Variants in COL27A1 observed in about 807,000 individuals in gnomAD.
COL27A1 encodes the protein collagen type XXVII alpha 1 chain, also known as collagen alpha-1(XXVII) chain.
In COL27A1, 106 loss-of-function variants were observed where a neutral mutation model predicts 251.3. The ratio of observed to expected loss-of-function variants is 0.42; its 90% CI spans 0.36 to 0.50. The LOEUF (loss-of-function observed/expected upper bound fraction) is 0.50. Among genes scored for constraint, COL27A1 ranks in the 20% least tolerant of loss-of-function variants. The pLI is 0.00. For synonymous variants in COL27A1, 1,000 were observed against 986.3 expected (o/e 1.01, Z -0.26); for missense variants, 2,325 against 2,522.8 (o/e 0.92, Z 1.68).
chr9:114,241,883 T>C (rs1317933241), intron 21 of COL27A1, among the ~76,000 whole-genome samples: 1 of 152,238 alleles, frequency 6.6e-6, no homozygotes, highest in Non-Finnish European at 1.5e-5. Context: ...CCTACATCTT[T>C]GAGCTGCAGT....
chr9:114,204,796 C>T (rs777629258), intron 7 of COL27A1, among the ~76,000 whole-genome samples: 1 of 152,080 alleles, frequency 6.6e-6, no homozygotes, highest in Non-Finnish European at 1.5e-5. Context: ...GGAATGGTTG[C>T]GATACACCAT....
intron 3 of COL27A1, among the ~76,000 whole-genome samples, chr9:114,171,730 C>T (rs1465930454): frequency 2.6e-5 from 4 of 152,120 alleles, no homozygotes; most frequent in Admixed American, 1.3e-4. Flanking sequence ...CCTCCCAGAG[C>T]GCTAGAATGA....
At chr9:114,171,326 C>T (rs1229095126) in intron 3 of COL27A1, among the ~76,000 whole-genome samples, 1 of 152,162 alleles carries the variant, frequency 6.6e-6, no homozygotes, top group Non-Finnish European at 1.5e-5. Context: ...CTGTAGCCTC[C>T]AAGACTAGCA....
chr9:114,229,715 C>T (rs1340911383), intron 14 of COL27A1, among the ~76,000 whole-genome samples: 2 of 152,184 alleles, frequency 1.3e-5, no homozygotes, highest in Admixed American at 1.3e-4. Flanking sequence ...CAGGGTCTCC[C>T]TTTCTCTGAG....
intron 25 of COL27A1, among the ~76,000 whole-genome samples, chr9:114,252,106 C>T (rs1239606824): frequency 4.6e-5 from 7 of 152,240 alleles, no homozygotes; most frequent in South Asian, 2.1e-4. Context: ...GCCAACTCTG[C>T]CCAGTGTGTC....
intron 3 of COL27A1, among the ~76,000 whole-genome samples, chr9:114,177,593 CT>C (rs1288961159): frequency 6.6e-6 from 1 of 152,184 alleles, no homozygotes; most frequent in East Asian, 1.9e-4. Context: ...CATTTATCAT[CT>C]CTCATGTCAT....
chr9:114,169,046 T>G lies in COL27A1; in HGVS notation c.1491T>G (p.Ser497=), dbSNP rs781645561. 3 of 1,614,008 alleles carry G rather than the reference T, an allele frequency of 1.9e-6. No homozygotes were observed. The change falls in exon 3 of 61, where the codon TCT becomes TCG. Residue 497 remains serine, a synonymous_variant. Transcript: ENST00000356083. Reference sequence around the variant, plus strand: ...CATCTCCTGCCCCTACTCCTGGTTCTACCAGGAGTACTCGGCCACCAGCCA... The same window carrying G: ...CATCTCCTGCCCCTACTCCTGGTTCGACCAGGAGTACTCGGCCACCAGCCA... ...LSSSPAPTPG[S]TRSTRPPATM...
At chr9:114,267,625 C>T in intron 34 of COL27A1, 68 bp downstream of exon 34, 1 of 1,406,900 alleles carries the variant, frequency 7.1e-7, no homozygotes, top group East Asian at 2.5e-5. Context: ...GCCACATCCT[C>T]TCCATGGAAG....
intron 10 of COL27A1, among the ~76,000 whole-genome samples, chr9:114,207,172 A>T (rs1830026315): frequency 6.6e-6 from 1 of 152,210 alleles, no homozygotes; most frequent in Non-Finnish European, 1.5e-5. Flanking sequence ...GTCAGGACAG[A>T]TCACGTATCC....
chr9:114,200,732 CATA>C (rs1434346706), intron 7 of COL27A1, among the ~76,000 whole-genome samples: 1 of 152,218 alleles, frequency 6.6e-6, no homozygotes, highest in Non-Finnish European at 1.5e-5. Flanking sequence ...TCCAGCATCA[CATA>C]ATAAGACCCT....
intron 16 of COL27A1, among the ~76,000 whole-genome samples, chr9:114,232,555 G>A (rs913784859): frequency 2.0e-5 from 3 of 152,222 alleles, no homozygotes; most frequent in Admixed American, 6.5e-5. Context: ...ACCCCCGAAG[G>A]GGGTGCAGGA....
chr9:114,300,751 C>T lies in COL27A1; in HGVS notation c.4701+64C>T, dbSNP rs1035292439. 4.5e-6 allele frequency: 6 copies of T among 1,333,900 alleles called. No individual in the cohort carries two copies. The African/African-American group carries it at 4.5e-5, about 10-fold the overall frequency. 82.6% of individuals were successfully genotyped at this position (1,333,900 alleles called of 1,614,324 possible). A position where few individuals can be genotyped will look rare whatever the true frequency, so the allele number is the denominator to read the frequency against. On this transcript the variant is annotated intron_variant, in intron 51 of 60. Coordinates refer to ENST00000356083, the MANE Select transcript of COL27A1 (RefSeq NM_032888.4). The stretch of plus-strand genomic sequence containing the variant: ...CCTAGGCCCAAGGTTGGCCAGCCAT[C>T]AGCTGGCCTGTCTTCATCCTCCTCT...
intron 7 of COL27A1, among the ~76,000 whole-genome samples, chr9:114,199,846 G>A (rs113486832): frequency 1.3e-5 from 2 of 152,260 alleles, no homozygotes; most frequent in African/African-American, 4.8e-5. Flanking sequence ...CAAGCCTCAC[G>A]AATTGATCTT....
intron 3 of COL27A1, among the ~76,000 whole-genome samples, chr9:114,174,461 T>A (rs1295695865): frequency 6.6e-6 from 1 of 151,992 alleles, no homozygotes. Flanking sequence ...GCAGCCAAAT[T>A]ATAGCACAGC....
intron 5 of COL27A1, among the ~76,000 whole-genome samples, chr9:114,190,998 A>G (rs929421960): frequency 6.6e-6 from 1 of 152,188 alleles, no homozygotes; most frequent in Non-Finnish European, 1.5e-5. Flanking sequence ...CCCAGAAGTC[A>G]TACCTTCACC....
intron 32 of COL27A1, 148 bp downstream of exon 32, chr9:114,265,623 A>C (rs1834688740): frequency 2.8e-6 from 2 of 725,926 alleles, no homozygotes; most frequent in South Asian, 3.7e-5. Context: ...GGTGGCGAGC[A>C]CTAAGCCAGG....
At chr9:114,199,196 G>GC (rs1038617317) in intron 7 of COL27A1, among the ~76,000 whole-genome samples, 10 of 152,052 alleles carry the variant, frequency 6.6e-5, no homozygotes, top group African/African-American at 2.4e-4. Flanking sequence ...GGGTGATTTT[G>GC]CCCCCCAGGG....
intron 29 of COL27A1, 76 bp from the exon 30 acceptor site, chr9:114,264,848 A>C (rs1294238145): frequency 6.7e-7 from 1 of 1,486,654 alleles, no homozygotes; most frequent in Non-Finnish European, 9.2e-7. Context: ...TTTATCTCCC[A>C]TGTGGAGGGG....
chr9:114,178,544 T>C (rs530059083), intron 4 of COL27A1, among the ~76,000 whole-genome samples, 200 bp downstream of exon 4: 1 of 152,326 alleles, frequency 6.6e-6, no homozygotes, highest in East Asian at 1.9e-4. Context: ...GGAACAGCAA[T>C]GACCTCTTGT....
Sources: allele counts gnomAD v4.1 joint callset (sites outside exome capture counted in the v4.1 genomes callset), GRCh38; gene constraint gnomAD v4.1.1; transcripts MANE v1.5; gene names NCBI Gene and HGNC (gene_info 2026-07-23, HGNC 2026-07-21).